The following STAG1 variants were observed in gnomAD, a reference collection of about 807,000 sequenced individuals.
The protein encoded by STAG1 is cohesin subunit SA-1.
STAG1 carries 26 observed loss-of-function variants against 170.9 expected under a neutral mutation model. The observed-to-expected ratio is 0.15, with a 90% CI of 0.11 to 0.21. STAG1 has a LOEUF of 0.21. Ranked by LOEUF, STAG1 falls within the 10% of genes least tolerant of loss-of-function variation. The probability of loss-of-function intolerance (pLI) is 1.00; values close to 1 mark genes in which losing one functional copy is unlikely to be tolerated. For synonymous variants in STAG1, 514 were observed against 497.7 expected, an observed-to-expected ratio of 1.03 and a Z score of -0.44; for missense variants, 964 against 1,509.5, an observed-to-expected ratio of 0.64 and a Z score of 5.99.
intron 13 of STAG1, among the ~76,000 whole-genome samples, chr3:136,463,907 A>C (rs1352513592): frequency 2.7e-5 from 4 of 147,756 alleles, no homozygotes; most frequent in African/African-American, 9.8e-5. Flanking sequence ...ATATATACTT[A>C]CATATAATAT....
intron 5 of STAG1, among the ~76,000 whole-genome samples, chr3:136,551,962 G>A (rs1936426317): frequency 6.6e-6 from 1 of 151,968 alleles, no homozygotes; most frequent in Non-Finnish European, 1.5e-5. Context: ...AAATATTAAG[G>A]CAAAATACTT....
intron 1 of STAG1, among the ~76,000 whole-genome samples, chr3:136,635,030 T>G (rs1021148962): frequency 6.6e-6 from 1 of 152,192 alleles, no homozygotes; most frequent in Non-Finnish European, 1.5e-5. Context: ...CAGGACCAGA[T>G]GGCCTTACTG....
chr3:136,463,874 C>CATACATATATACTTATAT (rs906873664), intron 13 of STAG1, among the ~76,000 whole-genome samples: 3 of 144,968 alleles, frequency 2.1e-5, no homozygotes, highest in South Asian at 4.3e-4. Flanking sequence ...TATATACATA[C>CATACATATATACTTATAT]ATACATATAT....
intron 29 of STAG1, among the ~76,000 whole-genome samples, chr3:136,346,026 C>A (rs935348311): frequency 1.3e-5 from 2 of 152,172 alleles, no homozygotes; most frequent in African/African-American, 4.8e-5. Flanking sequence ...AGATTATTAT[C>A]ACTTAAGTTC....
intron 13 of STAG1, among the ~76,000 whole-genome samples, chr3:136,464,502 G>T (rs186365241): frequency 9.5e-4 from 144 of 152,166 alleles, no homozygotes; most frequent in African/African-American, 3.1e-3. Flanking sequence ...CATTTTAAAG[G>T]TGATACTGCT....
At chr3:136,600,673 A>G (rs1273819259) in intron 4 of STAG1, among the ~76,000 whole-genome samples, 5 of 152,084 alleles carry the variant, frequency 3.3e-5, no homozygotes, top group Non-Finnish European at 7.3e-5. Flanking sequence ...CTGGGATTAC[A>G]GGCTTGCGCA....
At chr3:136,610,061 A>C (rs1382667901) in intron 3 of STAG1, among the ~76,000 whole-genome samples, 1 of 151,252 alleles carries the variant, frequency 6.6e-6, no homozygotes, top group Non-Finnish European at 1.5e-5. Context: ...TTTGAGATGG[A>C]GTCTCGTCTG....
intron 6 of STAG1, 105 bp from the exon 7 acceptor site, chr3:136,521,522 T>C (rs1934669950): frequency 2.2e-6 from 2 of 906,894 alleles, no homozygotes; most frequent in South Asian, 3.5e-5. Flanking sequence ...GCAAAGCAGT[T>C]ATAGAAAGAA....
chr3:136,466,232 C>T (rs1218082534), intron 12 of STAG1, among the ~76,000 whole-genome samples: 5 of 152,000 alleles, frequency 3.3e-5, no homozygotes, highest in Non-Finnish European at 7.4e-5. Context: ...TGGAGCCCAT[C>T]GCAAAGAAGC....
In STAG1 at chr3:136,692,634, C is replaced by CA. The variant is rs919944582; in HGVS notation, c.-84+59560dup. ...TGGGGAACAAAGCAAGACTCTGTCT[C>CA]AAAAAAAAAAAAGTCAATTACAGTG... On this transcript the variant is annotated intron_variant, in intron 1 of 33. Transcript: ENST00000383202. Among the ~76,000 whole-genome samples the CA allele has an allele frequency of 1.1e-3, 149 of 136,072 alleles. 1 individual carries two copies. Among genetic ancestry groups the CA allele is most frequent in the Middle Eastern group, 4.0e-3 (1 of 248 alleles). The allele number at this position is 136,072 out of a possible 152,430, so 89.3% of individuals were successfully genotyped here.
At chr3:136,438,766 T>C (rs73863618) in intron 15 of STAG1, among the ~76,000 whole-genome samples, 13,536 of 152,090 alleles carry the variant, frequency 0.089, 1,969 homozygotes, top group African/African-American at 0.31. Context: ...ATTTGACTCA[T>C]ATAGTTAATA....
At chr3:136,370,999 T>G (rs556385161) in intron 23 of STAG1, among the ~76,000 whole-genome samples, 74 of 152,320 alleles carry the variant, frequency 4.9e-4, no homozygotes, top group Non-Finnish European at 8.1e-4. Flanking sequence ...TTCCTATTTC[T>G]CCACATCCTC....
At chr3:136,421,725 G>A (rs1037918789) in intron 19 of STAG1, among the ~76,000 whole-genome samples, 1 of 152,130 alleles carries the variant, frequency 6.6e-6, no homozygotes, top group Non-Finnish European at 1.5e-5. Context: ...GCATACCATT[G>A]ATAAGCAGGC....
At chr3:136,370,487 T>C (rs1441702749) in intron 23 of STAG1, among the ~76,000 whole-genome samples, 1 of 152,172 alleles carries the variant, frequency 6.6e-6, no homozygotes, top group Non-Finnish European at 1.5e-5. Flanking sequence ...ATTAGGTGTA[T>C]CTCCTAATGC....
Position 136,724,168 on chromosome 3 carries a change from A to G in STAG1, c.-84+28027T>C, listed in dbSNP as rs907283944. ...GGTTTTGTGGAATAGAGGAGGGGAG[A>G]AAGGCGGGGAAAGGATTGAGAAATC... On this transcript the variant is annotated intron_variant, in intron 1 of 33. Coordinates refer to ENST00000383202, the MANE Select transcript of STAG1 (RefSeq NM_005862.3). 3.4e-3 allele frequency among the ~76,000 whole-genome samples: 496 copies of G among 147,020 alleles called. 7 individuals carry two copies. Among genetic ancestry groups the G allele is most frequent in the African/African-American group, 0.013 (476 of 37,660 alleles).
chr3:136,749,852 T>C (rs1325611836), intron 1 of STAG1, among the ~76,000 whole-genome samples: 2 of 151,848 alleles, frequency 1.3e-5, no homozygotes, highest in Non-Finnish European at 2.9e-5. Context: ...CCCAAACTTC[T>C]GACCTATGGA....
intron 1 of STAG1, among the ~76,000 whole-genome samples, chr3:136,717,990 GGGA>G (rs2107926211): frequency 6.6e-6 from 1 of 152,150 alleles, no homozygotes; most frequent in South Asian, 2.1e-4. Flanking sequence ...CTGATAGAAG[GGGA>G]GGAAAGCACA....
Position 136,403,054 on chromosome 3 carries a change from C to A in STAG1, c.2197-4225G>T, listed in dbSNP as rs144138373. Reference sequence around the variant, plus strand: ...ACCAGCCTGGCCAACATGGCAAAACCCTGTCTCTACTAAAAATACAAAAAT... The same window carrying A: ...ACCAGCCTGGCCAACATGGCAAAACACTGTCTCTACTAAAAATACAAAAAT... On this transcript the variant is annotated intron_variant, in intron 21 of 33. Transcript: ENST00000383202. Among the ~76,000 whole-genome samples, 16 of 150,978 alleles carry A rather than the reference C, an allele frequency of 1.1e-4. No individual in the cohort carries two copies. The East Asian group carries it at 2.9e-3, about 28-fold the overall frequency.
chr3:136,561,817 AT>A (rs62726661), intron 5 of STAG1, among the ~76,000 whole-genome samples: 49,912 of 146,944 alleles, frequency 0.34, 10,308 homozygotes, highest in East Asian at 0.77. Context: ...GGGTTAAAAC[AT>A]TTTTTTTTTT....
Sources: gnomAD v4.1 joint callset for allele counts (sites outside exome capture counted in the v4.1 genomes callset) on GRCh38, gnomAD v4.1.1 for gene constraint, MANE v1.5 for transcripts, NCBI Gene and HGNC (gene_info 2026-07-23, HGNC 2026-07-21) for gene names.